The following KHDRBS2 variants were observed in gnomAD, a reference collection of about 807,000 sequenced individuals.
The protein encoded by KHDRBS2 is KH RNA binding domain containing, signal transduction associated 2, also known as KH domain-containing, RNA-binding, signal transduction-associated protein 2.
A neutral mutation model predicts 44.3 loss-of-function variants in KHDRBS2; 26 were observed. That is an observed-to-expected ratio of 0.59 (90% confidence interval 0.43 to 0.81). The LOEUF (loss-of-function observed/expected upper bound fraction) is 0.81, where lower values mean the gene tolerates loss of function less well. Among genes scored for constraint, KHDRBS2 ranks in the 40% least tolerant of loss-of-function variants. The pLI is 0.00. For missense variants in KHDRBS2, 476 were observed against 433.1 expected, an observed-to-expected ratio of 1.10 and a Z score of -0.88; for synonymous variants, 194 against 151.1, an observed-to-expected ratio of 1.28 and a Z score of -2.08.
intron 2 of KHDRBS2, among the ~76,000 whole-genome samples, chr6:62,143,608 G>A (rs1162830621): frequency 6.6e-6 from 1 of 151,804 alleles, no homozygotes; most frequent in East Asian, 1.9e-4. Context: ...TAAATTTCCA[G>A]TTCCATGCAC....
rs139484469 is a variant in KHDRBS2 at position 62,053,312 on chromosome 6, C to T, written c.220-5318G>A. The stretch of plus-strand genomic sequence containing the variant: ...GGAGAATATAACCTTCATACCAAAA[C>T]CAAATCAGAAAAGGAAATGCATAGA... On this transcript the variant is annotated intron_variant, in intron 2 of 8. Coordinates refer to ENST00000281156, the MANE Select transcript of KHDRBS2 (RefSeq NM_152688.4). Among the ~76,000 whole-genome samples the T allele has an allele frequency of 5.3e-3, 795 of 151,238 alleles. 9 individuals are homozygous for T. Among genetic ancestry groups the T allele is most frequent in the Middle Eastern group, 0.017 (5 of 294 alleles).
downstream of KHDRBS2, among the ~76,000 whole-genome samples, chr6:61,677,212 A>G (rs1398935661): frequency 3.3e-5 from 5 of 151,914 alleles, no homozygotes; most frequent in Non-Finnish European, 7.4e-5. Context: ...ATTGATTAAC[A>G]CATCAAAAGA....
At chr6:62,191,263 C>T in intron 1 of KHDRBS2, among the ~76,000 whole-genome samples, 1 of 152,080 alleles carries the variant, frequency 6.6e-6, no homozygotes, top group East Asian at 1.9e-4. Flanking sequence ...AGTCTTCTTT[C>T]TTGCCATCCT....
At chr6:61,840,348 A>T (rs1318219329) in intron 6 of KHDRBS2, among the ~76,000 whole-genome samples, 2 of 152,162 alleles carry the variant, frequency 1.3e-5, no homozygotes, top group Admixed American at 1.3e-4. Context: ...ATATTTCAAG[A>T]TTCAGCATAT....
At chr6:61,661,685 T>G in the KHDRBS2 span, among the ~76,000 whole-genome samples, 1 of 151,792 alleles carries the variant, frequency 6.6e-6, no homozygotes, top group Non-Finnish European at 1.5e-5. Flanking sequence ...GAATCCAACT[T>G]ACAAGGGACA....
chr6:61,626,847 T>C, the KHDRBS2 span, among the ~76,000 whole-genome samples: 1,300 of 152,288 alleles, frequency 8.5e-3, 21 homozygotes, highest in African/African-American at 0.029. Context: ...GCCACATCTC[T>C]AGTCTTCATT....
the KHDRBS2 span, among the ~76,000 whole-genome samples, chr6:61,636,990 A>G: frequency 2.0e-5 from 3 of 151,996 alleles, no homozygotes; most frequent in Admixed American, 2.0e-4. Flanking sequence ...GAAGACACTA[A>G]CCAATAAAGC....
chr6:62,186,614 G>GA (rs11455084), intron 1 of KHDRBS2, among the ~76,000 whole-genome samples: 92,427 of 151,636 alleles, frequency 0.61, 28,344 homozygotes, highest in Non-Finnish European at 0.62. Context: ...AAATGAAGGA[G>GA]AAAATGCAGC....
chr6:61,685,682 G>A (rs998661001), intron 8 of KHDRBS2, among the ~76,000 whole-genome samples: 2 of 151,818 alleles, frequency 1.3e-5, no homozygotes, highest in East Asian at 3.9e-4. Context: ...AAATTACCTA[G>A]GTAACTCCTG....
chr6:61,864,051 T>C (rs1451408977), intron 6 of KHDRBS2, among the ~76,000 whole-genome samples: 1 of 152,188 alleles, frequency 6.6e-6, no homozygotes, highest in Non-Finnish European at 1.5e-5. Context: ...TTCCCTTCTT[T>C]GTCTCCTTTG....
intron 6 of KHDRBS2, among the ~76,000 whole-genome samples, chr6:61,830,500 A>G (rs1791617752): frequency 6.6e-6 from 1 of 152,232 alleles, no homozygotes; most frequent in Non-Finnish European, 1.5e-5. Context: ...TGATAAAGAG[A>G]GATGAATGTT....
At chr6:61,669,548 T>A in the KHDRBS2 span, among the ~76,000 whole-genome samples, 3 of 150,954 alleles carry the variant, frequency 2.0e-5, no homozygotes, top group Non-Finnish European at 4.5e-5. Context: ...TATTTAAACA[T>A]ATTAATATGT....
the KHDRBS2 span, among the ~76,000 whole-genome samples, chr6:61,545,626 G>A: frequency 2.6e-5 from 4 of 151,950 alleles, no homozygotes; most frequent in Non-Finnish European, 5.9e-5. Flanking sequence ...TGTTGAGTGA[G>A]AAAAGCAAGG....
intron 2 of KHDRBS2, among the ~76,000 whole-genome samples, chr6:62,153,051 AT>A (rs2150106845): frequency 6.6e-6 from 1 of 152,320 alleles, no homozygotes; most frequent in South Asian, 2.1e-4. Context: ...GAAACCCTGG[AT>A]TTTGAAACAT....
chr6:62,169,100 TATATACAC>T (rs1227076674), intron 2 of KHDRBS2, among the ~76,000 whole-genome samples: 5 of 141,908 alleles, frequency 3.5e-5, no homozygotes, highest in African/African-American at 5.1e-5. Context: ...TTTATATTTA[TATATACAC>T]ATATATGTGT....
intron 4 of KHDRBS2, among the ~76,000 whole-genome samples, chr6:61,962,179 T>C (rs1192459): frequency 0.66 from 99,846 of 151,860 alleles, 32,986 homozygotes; most frequent in African/African-American, 0.73. Flanking sequence ...CTGGCAGAAG[T>C]TGAATGGCAG....
At chr6:62,010,163 G>C (rs546539069) in intron 3 of KHDRBS2, among the ~76,000 whole-genome samples, 6 of 152,184 alleles carry the variant, frequency 3.9e-5, no homozygotes, top group Non-Finnish European at 7.3e-5. Flanking sequence ...CCTATCTCTT[G>C]CAACAGCGTG....
intron 2 of KHDRBS2, among the ~76,000 whole-genome samples, chr6:62,175,713 AC>A (rs1820955819): frequency 6.6e-6 from 1 of 151,586 alleles, no homozygotes; most frequent in South Asian, 2.1e-4. Context: ...ATTTTCTTAT[AC>A]ATTACAAAAT....
chr6:61,959,346 C>T (rs141496634), intron 4 of KHDRBS2, among the ~76,000 whole-genome samples: 2 of 152,288 alleles, frequency 1.3e-5, no homozygotes, highest in African/African-American at 4.8e-5. Context: ...ACAACACACA[C>T]ATTTCAGCCA....
Sources: allele counts gnomAD v4.1 joint callset (sites outside exome capture counted in the v4.1 genomes callset), GRCh38; gene constraint gnomAD v4.1.1; transcripts MANE v1.5; gene names NCBI Gene and HGNC (gene_info 2026-07-23, HGNC 2026-07-21).